The following RABGAP1L variants were observed in gnomAD, a reference collection of about 807,000 sequenced individuals.
RABGAP1L encodes the protein RAB GTPase activating protein 1 like.
A neutral mutation model predicts 137.7 loss-of-function variants in RABGAP1L; 63 were observed. That is an observed-to-expected ratio of 0.46 (90% CI 0.37 to 0.56). The LOEUF is 0.56. Ranked by LOEUF, RABGAP1L falls within the 20% of genes least tolerant of loss-of-function variation. RABGAP1L has a pLI of 0.00. For synonymous variants in RABGAP1L, 431 were observed against 433.7 expected (o/e 0.99, Z 0.08); for missense variants, 1,095 against 1,244.0 (o/e 0.88, Z 1.80).
At chr1:174,549,957 A>G (rs1377603739) in intron 13 of RABGAP1L, among the ~76,000 whole-genome samples, 2 of 152,154 alleles carry the variant, frequency 1.3e-5, no homozygotes, top group Non-Finnish European at 2.9e-5. Context: ...GCTTGAGCCC[A>G]TGAGTTGAAG....
At chr1:174,767,354 TTTAA>T (rs2148718643) in intron 18 of RABGAP1L, among the ~76,000 whole-genome samples, 1 of 152,372 alleles carries the variant, frequency 6.6e-6, no homozygotes, top group Admixed American at 6.5e-5. Context: ...TTAGGTCTTA[TTTAA>T]TTTTTTTTGA....
At chr1:174,868,795 C>T (rs1002395242) in intron 19 of RABGAP1L, among the ~76,000 whole-genome samples, 7 of 152,094 alleles carry the variant, frequency 4.6e-5, no homozygotes, top group African/African-American at 1.2e-4. Context: ...TGTGCCCCAA[C>T]GCCCCACCCA....
At chr1:174,936,614 A>C (rs187236411) in intron 19 of RABGAP1L, among the ~76,000 whole-genome samples, 17 of 152,256 alleles carry the variant, frequency 1.1e-4, no homozygotes, top group Admixed American at 1.1e-3. Context: ...AAATAAATAC[A>C]TTGAAGCATT....
At chr1:174,321,952 T>A (rs918562202) in intron 11 of RABGAP1L, among the ~76,000 whole-genome samples, 6 of 152,070 alleles carry the variant, frequency 3.9e-5, no homozygotes, top group African/African-American at 1.5e-4. Context: ...TTACTTGTCT[T>A]ACTGATTTAT....
intron 13 of RABGAP1L, among the ~76,000 whole-genome samples, chr1:174,397,414 T>C (rs1057467991): frequency 6.6e-6 from 1 of 152,144 alleles, no homozygotes; most frequent in Admixed American, 6.5e-5. Flanking sequence ...ACTCTGGGGT[T>C]ACTGTTTCCT....
chr1:174,596,885 CTCTA>C (rs1346929220), intron 13 of RABGAP1L, among the ~76,000 whole-genome samples: 1 of 152,022 alleles, frequency 6.6e-6, no homozygotes, highest in Non-Finnish European at 1.5e-5. Context: ...TATGTTTCTT[CTCTA>C]TCCAGTTTTT....
intron 13 of RABGAP1L, among the ~76,000 whole-genome samples, chr1:174,439,059 T>G (rs1653822166): frequency 6.6e-6 from 1 of 151,824 alleles, no homozygotes; most frequent in Admixed American, 6.6e-5. Context: ...GCTTTTTTTT[T>G]TCTTGCCTGT....
intron 11 of RABGAP1L, among the ~76,000 whole-genome samples, chr1:174,318,628 CTTTCTT>C (rs1458410954): frequency 7.4e-6 from 1 of 136,010 alleles, no homozygotes; most frequent in Non-Finnish European, 1.6e-5. Flanking sequence ...TTCTTTCTTT[CTTTCTT>C]TTTCTTTCTT....
intron 18 of RABGAP1L, among the ~76,000 whole-genome samples, chr1:174,805,232 A>G (rs948067632): frequency 4.6e-5 from 7 of 152,216 alleles, no homozygotes; most frequent in Admixed American, 6.5e-5. Context: ...AGTGCAAAGG[A>G]TACTTACATT....
chr1:174,560,167 G>A (rs2148013681), intron 13 of RABGAP1L, among the ~76,000 whole-genome samples: 1 of 151,912 alleles, frequency 6.6e-6, no homozygotes, highest in South Asian at 2.1e-4. Context: ...TTTTATGAAA[G>A]CTGTATTTCA....
At chr1:174,632,581 T>G (rs892455106) in intron 13 of RABGAP1L, among the ~76,000 whole-genome samples, 1,614 of 150,130 alleles carry the variant, frequency 0.011, 34 homozygotes, top group African/African-American at 0.039. Flanking sequence ...TCTTGGAGGC[T>G]TTGCTCATTT....
chr1:174,609,252 C>G (rs550709299), intron 13 of RABGAP1L, among the ~76,000 whole-genome samples: 14 of 152,220 alleles, frequency 9.2e-5, no homozygotes, highest in Non-Finnish European at 1.8e-4. Context: ...GCCACTGAAT[C>G]AAGTCAAAAT....
intron 13 of RABGAP1L, among the ~76,000 whole-genome samples, chr1:174,532,240 G>A (rs921590804): frequency 6.0e-5 from 9 of 149,278 alleles, no homozygotes; most frequent in Non-Finnish European, 1.2e-4. Context: ...ACACAGTCTT[G>A]CTCTGTCACC....
intron 15 of RABGAP1L, among the ~76,000 whole-genome samples, chr1:174,683,914 TG>T (rs1352982887): frequency 6.6e-6 from 1 of 152,190 alleles, no homozygotes; most frequent in African/African-American, 2.4e-5. Flanking sequence ...CCCACTATAC[TG>T]TGACAAGGAA....
At chr1:174,530,831 ATACATACG>A (rs60803982) in intron 13 of RABGAP1L, among the ~76,000 whole-genome samples, 2,276 of 116,576 alleles carry the variant, frequency 0.02, 29 homozygotes, top group African/African-American at 0.1. Flanking sequence ...ACATACATAC[ATACATACG>A]TACGTTTGTG....
At chr1:174,272,372 C>G (rs1409197130) in intron 7 of RABGAP1L, 42 bp from the exon 8 acceptor site, 1 of 1,592,062 alleles carries the variant, frequency 6.3e-7, no homozygotes, top group East Asian at 2.3e-5. Flanking sequence ...TCTATATATT[C>G]TTGATACCTT....
chr1:174,830,295 G>C (rs917288124), intron 19 of RABGAP1L, among the ~76,000 whole-genome samples: 3 of 147,144 alleles, frequency 2.0e-5, no homozygotes, highest in African/African-American at 7.4e-5. Context: ...AAAAAAACTA[G>C]CTTAGTTTCT....
chr1:174,258,619 G>T (rs959477699), intron 7 of RABGAP1L, among the ~76,000 whole-genome samples: 1 of 151,892 alleles, frequency 6.6e-6, no homozygotes, highest in Non-Finnish European at 1.5e-5. Context: ...TTTAATAACT[G>T]CTGCTGACAA....
chr1:174,652,432 A>G (rs1172310744), intron 14 of RABGAP1L, among the ~76,000 whole-genome samples: 1 of 152,022 alleles, frequency 6.6e-6, no homozygotes, highest in East Asian at 1.9e-4. Context: ...CCTCATCTTC[A>G]TGGATTTATC....
Sources: gnomAD v4.1 joint callset for allele counts (sites outside exome capture counted in the v4.1 genomes callset) on GRCh38, gnomAD v4.1.1 for gene constraint, MANE v1.5 for transcripts, NCBI Gene and HGNC (gene_info 2026-07-23, HGNC 2026-07-21) for gene names.